The following ADCY5 variants were observed in gnomAD, a reference collection of about 807,000 sequenced individuals.
ADCY5 encodes the protein adenylate cyclase 5.
In ADCY5, 30 loss-of-function variants were observed where a neutral mutation model predicts 119.7. The ratio of observed to expected loss-of-function variants is 0.25; its 90% CI spans 0.19 to 0.34. The LOEUF (loss-of-function observed/expected upper bound fraction) is 0.34. Among genes scored for constraint, ADCY5 ranks in the 10% least tolerant of loss-of-function variants. The pLI is 1.00. For missense variants in ADCY5, 1,324 were observed against 1,775.2 expected (o/e 0.75, Z 4.57); for synonymous variants, 753 against 762.2 (o/e 0.99, Z 0.20).
At chr3:123,387,134 C>T (rs1380279420) in intron 1 of ADCY5, among the ~76,000 whole-genome samples, 2 of 152,132 alleles carry the variant, frequency 1.3e-5, no homozygotes, top group African/African-American at 4.8e-5. Flanking sequence ...ATATAACAAC[C>T]CACAGAATTA....
chr3:123,386,250 G>A (rs959388888), intron 1 of ADCY5, among the ~76,000 whole-genome samples: 2 of 151,580 alleles, frequency 1.3e-5, no homozygotes, highest in African/African-American at 2.4e-5. Flanking sequence ...CCCAGGCACT[G>A]AGCCCTGGCT....
intron 8 of ADCY5, 93 bp downstream of exon 8, chr3:123,325,229 G>T: frequency 6.7e-7 from 1 of 1,486,124 alleles, no homozygotes; most frequent in Non-Finnish European, 9.2e-7. Flanking sequence ...AGATTCCCTT[G>T]GGCAACACGA....
intron 12 of ADCY5, 127 bp from the exon 13 acceptor site, chr3:123,304,310 C>T: frequency 1.5e-6 from 1 of 672,766 alleles, no homozygotes; most frequent in South Asian, 1.8e-5. Flanking sequence ...ACCCCTGGGC[C>T]TTCCTGGTGG....
chr3:123,442,291 C>T (rs1945736530), intron 1 of ADCY5, among the ~76,000 whole-genome samples: 1 of 152,192 alleles, frequency 6.6e-6, no homozygotes, highest in Admixed American at 6.5e-5. Flanking sequence ...CAGCAAGGCA[C>T]TCAGCAAGAG....
chr3:123,352,395 C>A lies in ADCY5; in HGVS notation c.1284+37G>T, dbSNP rs1398116309. 8.2e-6 allele frequency: 13 copies of A among 1,585,322 alleles called. No homozygotes were observed. The highest frequency in any genetic ancestry group is 1.1e-5 in the Non-Finnish European group (13 of 1,166,326). The stretch of plus-strand genomic sequence containing the variant: ...AGCTGAGGTACATCTCAGGGCTCGA[C>A]TCCGTCCCACTGTGCAAGGGCAGGG... On this transcript the variant is annotated intron_variant, in intron 2 of 20. Coordinates refer to ENST00000462833, the MANE Select transcript of ADCY5 (RefSeq NM_183357.3). This position sits in a 1 kb window ranked among gnomAD's most constrained non-coding sequence, Gnocchi z 4.8.
At chr3:123,363,204 T>C (rs1175089123) in intron 1 of ADCY5, among the ~76,000 whole-genome samples, 1 of 122,806 alleles carries the variant, frequency 8.1e-6, no homozygotes, top group East Asian at 2.4e-4. Context: ...TGTGGATGAA[T>C]AAGCTATTCA....
intron 1 of ADCY5, among the ~76,000 whole-genome samples, chr3:123,357,253 A>G (rs545226119): frequency 4.6e-5 from 7 of 152,162 alleles, no homozygotes; most frequent in East Asian, 1.9e-4. Flanking sequence ...AAAAAAAAAA[A>G]GGGCAGGAGT....
chr3:123,296,353 A>G lies in ADCY5; in HGVS notation c.2931-137T>C, dbSNP rs1326253161. ...CCCCTCTTCCTTATCCCCCTGCTCA[A>G]ACTTTGCCGCACGCGTGCCTCCTCC... is the stretch of plus-strand genomic sequence containing the variant. On this transcript the variant is annotated intron_variant, in intron 16 of 20. Transcript: ENST00000462833. The G allele has an allele frequency of 3.7e-6, 4 of 1,070,028 alleles. No homozygotes were observed. The Admixed American group carries it at 1.1e-4, about 29-fold the overall frequency. 66.3% of individuals were successfully genotyped at this position (1,070,028 alleles called of 1,614,324 possible).
At chr3:123,297,139 G>C (rs1939565545) in intron 16 of ADCY5, 2 of 1,410,940 alleles carry the variant, frequency 1.4e-6, no homozygotes. Context: ...AGAGACTACA[G>C]ATCACCTTGG....
At chr3:123,345,301 G>A (rs1250962334) in intron 3 of ADCY5, among the ~76,000 whole-genome samples, 1 of 152,254 alleles carries the variant, frequency 6.6e-6, no homozygotes, top group Non-Finnish European at 1.5e-5. Context: ...AGGGGTGGCC[G>A]GTGAGCCGGC....
chr3:123,308,025 GCTCTTT>G (rs1940296693), intron 12 of ADCY5, among the ~76,000 whole-genome samples: 1 of 117,370 alleles, frequency 8.5e-6, no homozygotes, highest in African/African-American at 3.2e-5. Context: ...TTTTTTTCAT[GCTCTTT>G]TTTTTTTTTT....
chr3:123,296,293 C>T lies in ADCY5; in HGVS notation c.2931-77G>A. 2.0e-6 allele frequency: 3 copies of T among 1,491,228 alleles called. No homozygotes were observed. The South Asian group carries it at 3.8e-5, about 19-fold the overall frequency. The allele number at this position is 1,491,228 out of a possible 1,614,324, so 92.4% of individuals were successfully genotyped here. On this transcript the variant is annotated intron_variant, in intron 16 of 20. Transcript: ENST00000462833. The stretch of plus-strand genomic sequence containing the variant: ...GCTCTGAGGACCCCACCCCCACCCA[C>T]TGCTGGCCCTGTTTTCTTCCTCCCA...
intron 1 of ADCY5, among the ~76,000 whole-genome samples, chr3:123,369,019 G>A (rs982226953): frequency 6.6e-6 from 1 of 152,116 alleles, no homozygotes; most frequent in African/African-American, 2.4e-5. Flanking sequence ...TCTCTGCTAT[G>A]GTTTTGAATG....
Position 123,284,542 on chromosome 3 carries a change from G to GCACA in ADCY5, c.*62_*65dup. The GCACA allele has an allele frequency of 6.3e-7, 1 of 1,599,392 alleles. No individual in the cohort carries two copies. Among genetic ancestry groups the GCACA allele is most frequent in the Non-Finnish European group, 8.5e-7 (1 of 1,170,272 alleles). ...GAGCATGGCTTCCCCGCCACCCCCG[G>GCACA]CACACAGAGAAGCTGCTTCCATGCC... On this transcript the variant is annotated 3_prime_UTR_variant, in exon 21 of 21. Coordinates refer to ENST00000462833, the MANE Select transcript of ADCY5 (RefSeq NM_183357.3).
intron 3 of ADCY5, among the ~76,000 whole-genome samples, chr3:123,341,111 T>A (rs1212255524): frequency 6.6e-6 from 1 of 151,108 alleles, no homozygotes; most frequent in Non-Finnish European, 1.5e-5. Flanking sequence ...GGTGACAGAG[T>A]GAGACTCCAT....
chr3:123,347,000 C>G (rs527356202), intron 3 of ADCY5, among the ~76,000 whole-genome samples: 1 of 152,314 alleles, frequency 6.6e-6, no homozygotes, highest in East Asian at 1.9e-4. Flanking sequence ...GCGGCAAACA[C>G]GCAGTGAAAG....
At position 123,332,680 on chromosome 3, in the gene ADCY5, G is replaced by A; in HGVS notation, c.1407-5C>T. On this transcript the variant is annotated splice_region_variant and splice_polypyrimidine_tract_variant and intron_variant, in intron 3 of 20. Transcript: ENST00000462833. ...TCGATGTCAGCAAACAGGATGCTGG[G>A]GGACAGGCAGAGGAGGAAGACCCTG... The A allele has an allele frequency of 6.3e-7, 1 of 1,593,598 alleles. No individual in the cohort carries two copies. Among genetic ancestry groups the A allele is most frequent in the South Asian group, 1.1e-5 (1 of 90,306 alleles).
At chr3:123,437,036 A>T (rs566937482) in intron 1 of ADCY5, among the ~76,000 whole-genome samples, 26 of 152,212 alleles carry the variant, frequency 1.7e-4, no homozygotes, top group South Asian at 1.7e-3. Flanking sequence ...CTGGGAGGTG[A>T]CCCCGGGAAA....
intron 2 of ADCY5, among the ~76,000 whole-genome samples, chr3:123,350,138 G>A (rs768479038): frequency 2.0e-5 from 3 of 152,222 alleles, no homozygotes; most frequent in Non-Finnish European, 4.4e-5. Context: ...CTCCTCCGCT[G>A]CTCCTCACCC....
Sources: gnomAD v4.1 joint callset for allele counts (sites outside exome capture counted in the v4.1 genomes callset) on GRCh38, gnomAD v4.1.1 for gene constraint, Gnocchi (gnomAD v3.1) non-coding constraint, MANE v1.5 for transcripts, NCBI Gene and HGNC (gene_info 2026-07-23, HGNC 2026-07-21) for gene names.